SLIT1: variants seen among roughly 807,000 people sequenced by gnomAD.
SLIT1 encodes the protein slit guidance ligand 1, also known as slit homolog 1 protein.
A neutral mutation model predicts 186.1 loss-of-function variants in SLIT1; 66 were observed. The observed-to-expected ratio is 0.35, with a 90% CI of 0.29 to 0.44. The LOEUF is 0.44. SLIT1 is among the 20% of genes least tolerant of loss of function. SLIT1 has a pLI of 1.00. For synonymous variants in SLIT1, 761 were observed against 833.8 expected (o/e 0.91, Z 1.50); for missense variants, 1,638 against 2,037.4 (o/e 0.80, Z 3.77).
At chr10:97,002,618 T>C in intron 35 of SLIT1, 86 bp downstream of exon 35, 1 of 1,287,228 alleles carries the variant, frequency 7.8e-7, no homozygotes, top group Non-Finnish European at 1.1e-6. Context: ...TGTTCTAATA[T>C]GGGTTGGAAA....
At chr10:97,047,599 CA>C in intron 16 of SLIT1, 90 bp downstream of exon 16, 1 of 1,331,586 alleles carries the variant, frequency 7.5e-7, no homozygotes, top group Non-Finnish European at 1.1e-6. Context: ...CAGCCCCAGA[CA>C]GGGCTGGACC....
intron 26 of SLIT1, among the ~76,000 whole-genome samples, chr10:97,020,680 T>A (rs1848494912): frequency 6.6e-6 from 1 of 152,214 alleles, no homozygotes; most frequent in Non-Finnish European, 1.5e-5. Context: ...CCCCTGCACA[T>A]AAAGCCCGGC....
chr10:97,064,580 G>A (rs1848926485), intron 6 of SLIT1, among the ~76,000 whole-genome samples: 1 of 152,158 alleles, frequency 6.6e-6, no homozygotes, highest in African/African-American at 2.4e-5. Flanking sequence ...TCCAGGCCAA[G>A]TGCCAGAAAC....
At chr10:97,075,561 CTG>C (rs1168374078) in intron 4 of SLIT1, among the ~76,000 whole-genome samples, 1 of 152,228 alleles carries the variant, frequency 6.6e-6, no homozygotes, top group Non-Finnish European at 1.5e-5. Flanking sequence ...GGATTACATG[CTG>C]TGTGTGTCAC....
intron 3 of SLIT1, among the ~76,000 whole-genome samples, chr10:97,158,949 T>C (rs886518558): frequency 7.3e-5 from 11 of 151,268 alleles, no homozygotes; most frequent in Non-Finnish European, 1.5e-5. Context: ...AATGAGAGGA[T>C]TGCTTGAGGC....
At chr10:97,141,330 C>A (rs936589534) in intron 4 of SLIT1, among the ~76,000 whole-genome samples, 9 of 152,332 alleles carry the variant, frequency 5.9e-5, no homozygotes, top group African/African-American at 1.9e-4. Flanking sequence ...CAGCCCTTCA[C>A]ATAGATTTGA....
chr10:97,059,246 C>G (rs903809744), intron 11 of SLIT1, among the ~76,000 whole-genome samples: 7 of 152,246 alleles, frequency 4.6e-5, no homozygotes, highest in Non-Finnish European at 1.0e-4. Context: ...TCTCCCGCTC[C>G]CAGCGTCGGA....
At chr10:97,162,297 C>T (rs1850039255) in intron 3 of SLIT1, among the ~76,000 whole-genome samples, 1 of 152,124 alleles carries the variant, frequency 6.6e-6, no homozygotes, top group Admixed American at 6.5e-5. Context: ...GAATGGGTTT[C>T]CAATTTTTTT....
intron 1 of SLIT1, among the ~76,000 whole-genome samples, chr10:97,178,768 T>C (rs1419837666): frequency 7.2e-6 from 1 of 139,858 alleles, no homozygotes; most frequent in Non-Finnish European, 1.5e-5. Context: ...GTGTGTGCGA[T>C]AGAGAGAAGA....
intron 25 of SLIT1, among the ~76,000 whole-genome samples, chr10:97,026,890 A>G (rs1848550796): frequency 6.6e-6 from 1 of 152,202 alleles, no homozygotes; most frequent in Admixed American, 6.5e-5. Context: ...AGGTAAGAAA[A>G]TAGGCCTCAA....
intron 4 of SLIT1, among the ~76,000 whole-genome samples, chr10:97,150,646 T>C (rs1849866924): frequency 7.4e-6 from 1 of 134,646 alleles, no homozygotes; most frequent in Non-Finnish European, 1.6e-5. Flanking sequence ...GGGACACATA[T>C]TGGTTTCAAG....
chr10:97,073,947 C>T (rs924397547), intron 4 of SLIT1, among the ~76,000 whole-genome samples: 1 of 152,078 alleles, frequency 6.6e-6, no homozygotes, highest in Non-Finnish European at 1.5e-5. Flanking sequence ...CTTGCTGTGG[C>T]TTCTGCCTGG....
intron 4 of SLIT1, among the ~76,000 whole-genome samples, chr10:97,156,861 C>T (rs976939752): frequency 2.6e-5 from 4 of 151,986 alleles, no homozygotes; most frequent in African/African-American, 9.7e-5. Flanking sequence ...CCTTCAGGGA[C>T]GAACCAGTAG....
chr10:97,112,601 T>C (rs1297493747), intron 4 of SLIT1, among the ~76,000 whole-genome samples: 1 of 152,234 alleles, frequency 6.6e-6, no homozygotes, highest in Non-Finnish European at 1.5e-5. Flanking sequence ...GATGAGGCAA[T>C]TGAGATTTAG....
At chr10:97,168,239 A>G (rs1379670029) in intron 1 of SLIT1, among the ~76,000 whole-genome samples, 1 of 152,220 alleles carries the variant, frequency 6.6e-6, no homozygotes, top group East Asian at 1.9e-4. Flanking sequence ...AATACCCAAC[A>G]TATAAATAAA....
chr10:97,045,608 G>T (rs747916721), intron 18 of SLIT1, among the ~76,000 whole-genome samples: 6 of 152,124 alleles, frequency 3.9e-5, no homozygotes, highest in Non-Finnish European at 7.3e-5. Flanking sequence ...TGACTGGACA[G>T]CCCCCACACC....
At chr10:97,042,503 C>T (rs192318121) in intron 20 of SLIT1, among the ~76,000 whole-genome samples, 206 of 152,064 alleles carry the variant, frequency 1.4e-3, no homozygotes, top group Non-Finnish European at 6.0e-4. Context: ...CAAAAGGGTT[C>T]CATTGCATAT....
At chr10:97,037,831 C>G in intron 21 of SLIT1, 65 bp from the exon 22 acceptor site, 1 of 1,372,664 alleles carries the variant, frequency 7.3e-7, no homozygotes, top group South Asian at 1.2e-5. Context: ...ATGCTGGGGA[C>G]AGCCTTCCCT....
chr10:97,064,353 G>A (rs1344295546), intron 6 of SLIT1, 114 bp from the exon 7 acceptor site: 1 of 833,054 alleles, frequency 1.2e-6, no homozygotes, highest in Non-Finnish European at 2.0e-6. Context: ...CCAGCACGGG[G>A]CTGGACATGG....
Sources: allele counts gnomAD v4.1 joint callset (sites outside exome capture counted in the v4.1 genomes callset), GRCh38; gene constraint gnomAD v4.1.1; transcripts MANE v1.5; gene names NCBI Gene and HGNC (gene_info 2026-07-23, HGNC 2026-07-21).